GABRR1: variants seen among roughly 807,000 people sequenced by gnomAD.
GABRR1 encodes gamma-aminobutyric acid type A receptor subunit rho1.
Under a neutral mutation model 55.5 loss-of-function variants are expected in GABRR1, and 59 were observed. The observed-to-expected ratio is 1.06, with a 90% confidence interval of 0.86 to 1.32. GABRR1 has a LOEUF of 1.32. Ranked by LOEUF, GABRR1 falls within the 40% of genes most tolerant of loss-of-function variation. GABRR1 has a pLI of 0.00. For synonymous variants in GABRR1, 213 were observed against 226.0 expected (o/e 0.94, Z 0.51); for missense variants, 602 against 619.1 (o/e 0.97, Z 0.29).
At chr6:89,198,962 G>T (rs545678878) in intron 4 of GABRR1, among the ~76,000 whole-genome samples, 8 of 151,366 alleles carry the variant, frequency 5.3e-5, no homozygotes, top group Middle Eastern at 3.4e-3. Flanking sequence ...TATCTGAACC[G>T]ACCAAAAAGG....
intron 1 of GABRR1, among the ~76,000 whole-genome samples, chr6:89,229,424 C>T (rs368239633): frequency 4.3e-4 from 64 of 148,970 alleles, no homozygotes; most frequent in African/African-American, 8.8e-4. Flanking sequence ...CCATGTTTAG[C>T]GCTTCCTTCA....
rs188169915 is a variant in GABRR1, at chr6:89,200,557, C to T, written c.280+602G>A. On this transcript the variant is annotated intron_variant, in intron 3 of 9. Transcript: ENST00000454853. The stretch of plus-strand genomic sequence containing the variant: ...GATTTCAGGTATGAGCCACCATGCC[C>T]GGCCGAGAATGATTTTTAAAATGAG... 3.4e-4 allele frequency among the ~76,000 whole-genome samples: 51 copies of T among 150,218 alleles called. 1 individual carries two copies. In the East Asian group the frequency reaches 7.7e-3, roughly 23 times the overall value.
intron 1 of GABRR1, among the ~76,000 whole-genome samples, chr6:89,213,151 A>G (rs1283644590): frequency 2.0e-5 from 3 of 152,186 alleles, no homozygotes; most frequent in Non-Finnish European, 4.4e-5. Flanking sequence ...CATAGGGAGT[A>G]AAATGTAAAG....
At chr6:89,202,694 T>TTTTA (rs1008665237) in intron 2 of GABRR1, among the ~76,000 whole-genome samples, 2 of 151,924 alleles carry the variant, frequency 1.3e-5, no homozygotes, top group South Asian at 2.1e-4. Context: ...ATTTTATATT[T>TTTTA]TTTATTTATT....
intron 1 of GABRR1, among the ~76,000 whole-genome samples, chr6:89,211,771 C>T (rs1929633): frequency 6.6e-6 from 1 of 152,194 alleles, no homozygotes; most frequent in African/African-American, 2.4e-5. Context: ...AAATGGGCCT[C>T]TTAACATCCT....
intron 1 of GABRR1, chr6:89,205,758 G>T (rs1772620634): frequency 6.6e-6 from 1 of 152,136 alleles, no homozygotes; most frequent in South Asian, 2.1e-4. Flanking sequence ...AGAAGACAGA[G>T]AACTTAATTT....
upstream of GABRR1, among the ~76,000 whole-genome samples, chr6:89,221,980 G>A (rs1773121421): frequency 6.6e-6 from 1 of 152,194 alleles, no homozygotes; most frequent in Non-Finnish European, 1.5e-5. Flanking sequence ...AGACTGAAGG[G>A]AATCTGCTCC....
intron 5 of GABRR1, 36 bp from the exon 6 acceptor site, chr6:89,190,283 C>A (rs1462233927): frequency 6.7e-7 from 1 of 1,501,052 alleles, no homozygotes; most frequent in South Asian, 1.2e-5. Context: ...TTATTCAGAG[C>A]CTGCAAAAGA....
intron 1 of GABRR1, among the ~76,000 whole-genome samples, chr6:89,212,440 A>AT (rs2127806704): frequency 2.9e-5 from 1 of 34,666 alleles, no homozygotes; most frequent in South Asian, 1.1e-3. Context: ...CTGAAATGGA[A>AT]ATCTGCTGAG....
rs770873612 is a variant in GABRR1 at position 89,178,031 on chromosome 6, C to T, written c.*739G>A. 4 of 152,126 alleles carry T rather than the reference C, an allele frequency of 2.6e-5. No individual in the cohort carries two copies. The highest frequency in any genetic ancestry group is 6.6e-5 in the Admixed American group (1 of 15,266). The allele number at this position is 152,126 out of a possible 1,614,324, so 9.4% of individuals were successfully genotyped here. On this transcript the variant is annotated 3_prime_UTR_variant, in exon 10 of 10. Coordinates refer to ENST00000454853, the MANE Select transcript of GABRR1 (RefSeq NM_002042.5). ...AGTGGTGATTATATAAAATAGGGAA[C>T]ATTTAAACACAAATTTTCTAGCCTA...
chr6:89,190,685 C>G (rs182108448), intron 5 of GABRR1, among the ~76,000 whole-genome samples: 3 of 152,248 alleles, frequency 2.0e-5, no homozygotes, highest in Non-Finnish European at 4.4e-5. Context: ...TGTACACTTA[C>G]CCCAGTTGCC....
intron 6 of GABRR1, among the ~76,000 whole-genome samples, chr6:89,188,166 G>T (rs1241433511): frequency 1.3e-5 from 2 of 152,092 alleles, no homozygotes; most frequent in Non-Finnish European, 2.9e-5. Flanking sequence ...TGGGACCACA[G>T]ATGCCAGCCA....
Position 89,212,193 on chromosome 6 carries a change from C to G in GABRR1, c.122+5008G>C. The G allele has an allele frequency of 5.3e-6, 3 of 571,010 alleles. 1 individual carries two copies. Among genetic ancestry groups the G allele is most frequent in the Non-Finnish European group, 6.4e-6 (3 of 472,194 alleles). The allele number at this position is 571,010 out of a possible 1,614,324, so 35.4% of individuals were successfully genotyped here. A position where few individuals can be genotyped will look rare whatever the true frequency, so the allele number is the denominator to read the frequency against. On this transcript the variant is annotated intron_variant, in intron 1 of 9. Coordinates refer to ENST00000454853, the MANE Select transcript of GABRR1 (RefSeq NM_002042.5). ...ATCCAAAGACCTGCCGAACATTCAC[C>G]CTAAACTTCTCTCTCACCCTGAAGC...
intron 2 of GABRR1, among the ~76,000 whole-genome samples, chr6:89,202,060 C>T (rs1363862043): frequency 4.6e-5 from 7 of 152,100 alleles, no homozygotes; most frequent in Non-Finnish European, 8.8e-5. Flanking sequence ...CGGGACCTTG[C>T]CCTCAAGGGA....
At chr6:89,190,314 G>GA in intron 5 of GABRR1, 67 bp from the exon 6 acceptor site, 1 of 1,105,616 alleles carries the variant, frequency 9.0e-7, no homozygotes, top group South Asian at 1.4e-5. Context: ...ATGATAAATG[G>GA]AAAAGGCCTC....
intron 3 of GABRR1, among the ~76,000 whole-genome samples, chr6:89,200,603 T>G (rs1166968567): frequency 6.6e-6 from 1 of 151,222 alleles, no homozygotes; most frequent in African/African-American, 2.4e-5. Context: ...TCCAGGAAAA[T>G]AAACCCATAA....
chr6:89,216,405 T>A (rs1220736263), intron 1 of GABRR1, among the ~76,000 whole-genome samples: 1 of 152,238 alleles, frequency 6.6e-6, no homozygotes, highest in Non-Finnish European at 1.5e-5. Context: ...AACAACGCCC[T>A]ACTGTCTCCA....
At chr6:89,214,870 A>AT (rs1333524782) in intron 1 of GABRR1, among the ~76,000 whole-genome samples, 2 of 152,002 alleles carry the variant, frequency 1.3e-5, no homozygotes, top group Non-Finnish European at 2.9e-5. Flanking sequence ...AGAAAAAAAA[A>AT]TTTTTTTAAT....
At chr6:89,181,694 G>C (rs1372606015) in intron 8 of GABRR1, among the ~76,000 whole-genome samples, 2 of 152,164 alleles carry the variant, frequency 1.3e-5, no homozygotes, top group African/African-American at 4.8e-5. Context: ...TGGGCTGTTT[G>C]GATGGGCACC....
Sources: gnomAD v4.1 joint callset for allele counts (sites outside exome capture counted in the v4.1 genomes callset) on GRCh38, gnomAD v4.1.1 for gene constraint, MANE v1.5 for transcripts, NCBI Gene and HGNC (gene_info 2026-07-23, HGNC 2026-07-21) for gene names.